The following GEN1 variants were observed in gnomAD, a reference collection of about 807,000 sequenced individuals.
GEN1 encodes the protein flap endonuclease GEN homolog 1.
In GEN1, 64 loss-of-function variants were observed where a neutral mutation model predicts 67.6. The observed-to-expected ratio is 0.95, with a 90% CI of 0.77 to 1.17. The LOEUF is 1.17. Among genes scored for constraint, GEN1 ranks in the 50% most tolerant of loss-of-function variants. The probability of loss-of-function intolerance (pLI) is 0.00; values close to 1 mark genes in which losing one functional copy is unlikely to be tolerated. For synonymous variants in GEN1, 371 were observed against 359.4 expected (o/e 1.03, Z -0.37); for missense variants, 1,058 against 1,048.3 (o/e 1.01, Z -0.13).
rs1672916295 is a variant in GEN1, at chr2:17,783,017, A to T, written c.*1078A>T. 6.6e-6 allele frequency: 1 copy of T among 152,190 alleles called. No homozygotes were observed. Among genetic ancestry groups the T allele is most frequent in the African/African-American group, 2.4e-5 (1 of 41,436 alleles). 9.4% of individuals were successfully genotyped at this position (152,190 alleles called of 1,614,324 possible). ...GATAAAGCGAGTTCATCCAGGTCGT[A>T]GAATACAAGACCAATGTGCAATGAT... is the stretch of plus-strand genomic sequence containing the variant. On this transcript the variant is annotated 3_prime_UTR_variant, in exon 14 of 14. Transcript: ENST00000381254.
chr2:17,783,889 A>G lies in GEN1; in HGVS notation c.*1950A>G, dbSNP rs1672958164. 1 of 152,250 alleles carries G rather than the reference A, an allele frequency of 6.6e-6. No individual in the cohort carries two copies. Among genetic ancestry groups the G allele is most frequent in the South Asian group, 2.1e-4 (1 of 4,830 alleles). 9.4% of individuals were successfully genotyped at this position (152,250 alleles called of 1,614,324 possible). A position where few individuals can be genotyped will look rare whatever the true frequency, so the allele number is the denominator to read the frequency against. On this transcript the variant is annotated 3_prime_UTR_variant, in exon 14 of 14. Coordinates refer to ENST00000381254, the MANE Select transcript of GEN1 (RefSeq NM_001130009.3). ...TACCTAAATGTAAGCTAAAGCTATA[A>G]AACTCTTAGAAGAAAACATAGACGT...
intron 12 of GEN1, among the ~76,000 whole-genome samples, chr2:17,778,460 A>C (rs146045056): frequency 0.22 from 6,408 of 29,464 alleles, 2,076 homozygotes; most frequent in East Asian, 0.95. Flanking sequence ...GTGTGTACAT[A>C]TATGTATATA....
At chr2:17,764,080 C>T (rs779794580) in intron 3 of GEN1, among the ~76,000 whole-genome samples, 1 of 152,130 alleles carries the variant, frequency 6.6e-6, no homozygotes, top group Non-Finnish European at 1.5e-5. Flanking sequence ...TACAAGCTAC[C>T]CAGCGGGGTT....
chr2:17,772,893 T>A, intron 8 of GEN1, 109 bp downstream of exon 8: 1 of 1,110,268 alleles, frequency 9.0e-7, no homozygotes, highest in Non-Finnish European at 1.3e-6. Flanking sequence ...GTCACATGTT[T>A]AACTAAATTT....
chr2:17,772,744 C>T lies in GEN1; in HGVS notation c.913C>T (p.His305Tyr). 1.2e-6 allele frequency: 2 copies of T among 1,610,848 alleles called. No homozygotes were observed. Among genetic ancestry groups the T allele is most frequent in the African/African-American group, 2.7e-5 (2 of 74,846 alleles). Residue 305 changes from histidine (H) to tyrosine (Y), a missense_variant, in exon 8 of 14, where the codon CAT (histidine) becomes TAT (tyrosine). Physicochemically the swap from His to Tyr is moderately conservative, Grantham distance 83 (BLOSUM62 2). Coordinates refer to ENST00000381254, the MANE Select transcript of GEN1 (RefSeq NM_001130009.3). ...TCCTTGTGAGTGGCACCGTACAGAA[C>T]ATGATAGGCAACTCAGTGAAGTAGA... ...CCPCEWHRTE[H>Y]DRQLSEVENN...
At chr2:17,766,422 G>A (rs1671935584) in intron 4 of GEN1, among the ~76,000 whole-genome samples, 157 bp from the exon 5 acceptor site, 2 of 152,116 alleles carry the variant, frequency 1.3e-5, no homozygotes, top group East Asian at 3.9e-4. Flanking sequence ...CACCCACCTT[G>A]GCCTCTCAGA....
At chr2:17,755,365 T>TA (rs1671372888) in intron 1 of GEN1, 1 of 152,236 alleles carries the variant, frequency 6.6e-6, no homozygotes, top group African/African-American at 2.4e-5. Context: ...CTTACCCTAC[T>TA]AAGGTCTTTA....
intron 3 of GEN1, among the ~76,000 whole-genome samples, chr2:17,761,896 G>T (rs1352798309): frequency 1.3e-5 from 2 of 152,040 alleles, no homozygotes; most frequent in African/African-American, 4.8e-5. Context: ...ACTAGTACAT[G>T]GTAGGAACTT....
chr2:17,779,788 G>A (rs953653999), intron 12 of GEN1, among the ~76,000 whole-genome samples, 190 bp from the exon 13 acceptor site: 2 of 152,064 alleles, frequency 1.3e-5, no homozygotes, highest in African/African-American at 4.8e-5. Context: ...TTTTTATAGA[G>A]ACATGGTTTC....
chr2:17,760,505 C>G (rs1347082038), intron 2 of GEN1, among the ~76,000 whole-genome samples: 1 of 152,220 alleles, frequency 6.6e-6, no homozygotes, highest in Non-Finnish European at 1.5e-5. Flanking sequence ...CTATGCCAAC[C>G]TCATCTCTCA....
intron 12 of GEN1, among the ~76,000 whole-genome samples, chr2:17,779,702 A>G (rs963493454): frequency 6.6e-6 from 1 of 152,034 alleles, no homozygotes; most frequent in Non-Finnish European, 1.5e-5. Context: ...CCCAGGTTCA[A>G]GTGATTCTTC....
At chr2:17,774,632 A>C (rs1672343962) in intron 11 of GEN1, among the ~76,000 whole-genome samples, 1 of 152,184 alleles carries the variant, frequency 6.6e-6, no homozygotes, top group African/African-American at 2.4e-5. Flanking sequence ...ACAAGCATAA[A>C]AGGATATAGC....
chr2:17,775,582 A>G (rs1292031550), intron 11 of GEN1, among the ~76,000 whole-genome samples: 1 of 152,214 alleles, frequency 6.6e-6, no homozygotes. Flanking sequence ...TACCAAACCA[A>G]TCAGGCAACA....
In GEN1 at chr2:17,771,209, A is replaced by G; in HGVS notation, c.724A>G (p.Asn242Asp). 6.2e-7 allele frequency: 1 copy of G among 1,608,280 alleles called. No homozygotes were observed. The highest frequency in any genetic ancestry group is 8.5e-7 in the Non-Finnish European group (1 of 1,175,046). The change falls in exon 7 of 14, where the codon AAT (asparagine) becomes GAT (aspartate). Residue 242 changes from asparagine to aspartate, a missense_variant. By Grantham distance (23) the Asn-to-Asp change is conservative (BLOSUM62 1). Coordinates refer to ENST00000381254, the MANE Select transcript of GEN1 (RefSeq NM_001130009.3). The part of the protein sequence containing the change: ...QSLLQRFNRW[N>D]ETSCNSSPQL... ...TTTCTATTAAAGGTTTAATCGGTGG[A>G]ATGAAACATCTTGTAACTCTAGTCC...
chr2:17,768,372 T>C (rs1373387454), intron 5 of GEN1, among the ~76,000 whole-genome samples: 1 of 152,200 alleles, frequency 6.6e-6, no homozygotes, highest in Admixed American at 6.5e-5. Context: ...TTTTCCTGAT[T>C]ACAAACATAA....
At position 17,782,829 on chromosome 2, in the gene GEN1, A is replaced by C. The variant is rs1268983108; in HGVS notation, c.*890A>C. On this transcript the variant is annotated 3_prime_UTR_variant, in exon 14 of 14. Coordinates refer to ENST00000381254, the MANE Select transcript of GEN1 (RefSeq NM_001130009.3). Reference sequence around the variant, plus strand: ...TCCCCCTTTTGTTTTGAATCTATGCAATATTGACTTTAATACCACCAAATA... The same window carrying C: ...TCCCCCTTTTGTTTTGAATCTATGCCATATTGACTTTAATACCACCAAATA... 4 of 152,090 alleles carry C rather than the reference A, an allele frequency of 2.6e-5. No homozygotes were observed. Among genetic ancestry groups the C allele is most frequent in the Admixed American group, 2.6e-4 (4 of 15,270 alleles). The allele number at this position is 152,090 out of a possible 1,614,324, so 9.4% of individuals were successfully genotyped here.
Position 17,785,049 on chromosome 2 carries a change from C to CAG in GEN1, c.*3110_*3111insAG, listed in dbSNP as rs1176540249. 2 of 152,186 alleles carry CAG rather than the reference C, an allele frequency of 1.3e-5. No homozygotes were observed. Among genetic ancestry groups the CAG allele is most frequent in the Non-Finnish European group, 2.9e-5 (2 of 68,046 alleles). 9.4% of individuals were successfully genotyped at this position (152,186 alleles called of 1,614,324 possible). On this transcript the variant is annotated 3_prime_UTR_variant, in exon 14 of 14. Coordinates refer to ENST00000381254, the MANE Select transcript of GEN1 (RefSeq NM_001130009.3). ...TTAGAGTCTCATAGGAGCATGAACC[C>CAG]TATTGTGAACTACGCATGCGAGGAT... is the stretch of plus-strand genomic sequence containing the variant.
At chr2:17,771,584 GA>G (rs976627355) in intron 7 of GEN1, among the ~76,000 whole-genome samples, 1 of 151,690 alleles carries the variant, frequency 6.6e-6, no homozygotes, top group Non-Finnish European at 1.5e-5. Flanking sequence ...TCCATTTTAA[GA>G]AAAAAATATA....
At chr2:17,762,375 TTTG>T (rs1282151833) in intron 3 of GEN1, among the ~76,000 whole-genome samples, 3 of 151,520 alleles carry the variant, frequency 2.0e-5, no homozygotes, top group African/African-American at 7.3e-5. Context: ...CTAAGTTTTT[TTTG>T]TTTTTTTTTT....
Sources: gnomAD v4.1 joint callset for allele counts (sites outside exome capture counted in the v4.1 genomes callset) on GRCh38, gnomAD v4.1.1 for gene constraint, MANE v1.5 for transcripts, NCBI Gene and HGNC (gene_info 2026-07-23, HGNC 2026-07-21) for gene names.